The following CNBD1 variants were observed in gnomAD, a reference collection of about 807,000 sequenced individuals.
CNBD1 encodes cyclic nucleotide-binding domain-containing protein 1.
CNBD1 carries 71 observed loss-of-function variants against 54.4 expected under a neutral mutation model. The observed-to-expected ratio is 1.30, with a 90% CI of 1.08 to 1.59. CNBD1 has a LOEUF of 1.59. Among genes scored for constraint, CNBD1 ranks in the 40% most tolerant of loss-of-function variants. The probability of loss-of-function intolerance (pLI) is 0.00; values close to 1 mark genes in which losing one functional copy is unlikely to be tolerated. For missense variants in CNBD1, 659 were observed against 518.0 expected, an observed-to-expected ratio of 1.27 and a Z score of -2.64; for synonymous variants, 182 against 170.7, an observed-to-expected ratio of 1.07 and a Z score of -0.51.
At chr8:86,906,771 G>A (rs962572527) in intron 3 of CNBD1, among the ~76,000 whole-genome samples, 1 of 152,114 alleles carries the variant, frequency 6.6e-6, no homozygotes, top group Non-Finnish European at 1.5e-5. Flanking sequence ...AACTTTGAGA[G>A]GACTTCAGGG....
chr8:87,348,753 C>A (rs973848991), intron 8 of CNBD1, among the ~76,000 whole-genome samples: 2 of 152,128 alleles, frequency 1.3e-5, no homozygotes, highest in Non-Finnish European at 1.5e-5. Context: ...AGTGCTGATG[C>A]TAATAGCCAG....
At position 87,423,538 on chromosome 8, in the gene CNBD1, T is replaced by C. The variant is rs1208281679; in HGVS notation, c.214-5008T>C. Among the ~76,000 whole-genome samples, 128 of 151,196 alleles carry C rather than the reference T, an allele frequency of 8.5e-4. 2 individuals are homozygous for C. The highest frequency in any genetic ancestry group is 3.0e-3 in the African/African-American group (123 of 40,546). ...TTCTGCATCTATTGAGATAATCATG[T>C]GGTTTCTGTCTTTGGCTCTGTTTAT... On this transcript the variant is annotated intron_variant, in intron 2 of 7. Transcript: ENST00000521593.
rs531967544 is a variant in CNBD1 at position 87,098,766 on chromosome 8, A to G, written c.432-107227A>G. On this transcript the variant is annotated intron_variant, in intron 4 of 10. Transcript: ENST00000518476. ...AAAAAAAAACTCCTGGGCCAGGCGC[A>G]GTGGCTCATGCGTGTAATCTCAGCA... is the stretch of plus-strand genomic sequence containing the variant. 5.9e-5 allele frequency among the ~76,000 whole-genome samples: 9 copies of G among 151,392 alleles called. No individual in the cohort carries two copies. In the Middle Eastern group the frequency reaches 0.014, roughly 230 times the overall value.
chr8:87,017,144 G>A (rs1809373203), intron 4 of CNBD1, among the ~76,000 whole-genome samples: 1 of 152,038 alleles, frequency 6.6e-6, no homozygotes, highest in African/African-American at 2.4e-5. Context: ...TTGGTCTGGG[G>A]GTAAAACGGC....
At chr8:86,874,220 A>G (rs113621953) in intron 1 of CNBD1, among the ~76,000 whole-genome samples, 27 of 152,270 alleles carry the variant, frequency 1.8e-4, no homozygotes, top group African/African-American at 5.3e-4. Context: ...TGTCTCTTCA[A>G]TTCTTTCAGT....
At chr8:87,334,316 CA>C (rs1047561975) in intron 8 of CNBD1, among the ~76,000 whole-genome samples, 5 of 150,544 alleles carry the variant, frequency 3.3e-5, no homozygotes, top group African/African-American at 4.9e-5. Context: ...TTAATTTTTT[CA>C]AAAAAAACAG....
At chr8:86,922,234 T>A (rs1310991126) in intron 3 of CNBD1, among the ~76,000 whole-genome samples, 6 of 151,792 alleles carry the variant, frequency 4.0e-5, no homozygotes, top group South Asian at 2.1e-4. Flanking sequence ...GTTGAAAAAA[T>A]TTTTTTCAAA....
intron 4 of CNBD1, among the ~76,000 whole-genome samples, chr8:87,173,855 A>G (rs1375092625): frequency 2.6e-5 from 4 of 151,670 alleles, no homozygotes; most frequent in Non-Finnish European, 5.9e-5. Flanking sequence ...TTCTATCATT[A>G]TCTCTTTCTC....
intron 2 of CNBD1, among the ~76,000 whole-genome samples, chr8:87,413,330 G>A (rs190577450): frequency 7.9e-5 from 12 of 152,088 alleles, no homozygotes; most frequent in African/African-American, 2.9e-4. Flanking sequence ...AATTTCTATA[G>A]TTGTGTTTTA....
intron 6 of CNBD1, among the ~76,000 whole-genome samples, chr8:87,243,823 C>A (rs530087109): frequency 5.3e-5 from 8 of 151,908 alleles, no homozygotes; most frequent in Non-Finnish European, 1.2e-4. Context: ...AACAAAAATA[C>A]CATGAATCAA....
At chr8:87,395,183 C>T (rs1811387194) in intron 2 of CNBD1, among the ~76,000 whole-genome samples, 1 of 151,878 alleles carries the variant, frequency 6.6e-6, no homozygotes, top group South Asian at 2.1e-4. Context: ...TCTCTACTTT[C>T]ATTAGTACCA....
At chr8:87,110,816 G>T (rs1171264515) in intron 4 of CNBD1, among the ~76,000 whole-genome samples, 1 of 152,256 alleles carries the variant, frequency 6.6e-6, no homozygotes, top group Non-Finnish European at 1.5e-5. Flanking sequence ...ACATGTGAAT[G>T]TAAACTGTTT....
chr8:87,298,788 T>A (rs1808932030), intron 8 of CNBD1, among the ~76,000 whole-genome samples: 1 of 152,122 alleles, frequency 6.6e-6, no homozygotes, highest in Non-Finnish European at 1.5e-5. Context: ...CCGGCCCAAA[T>A]GTGCCTTGGT....
intron 5 of CNBD1, among the ~76,000 whole-genome samples, chr8:87,235,132 G>C (rs1807559131): frequency 6.6e-6 from 1 of 152,114 alleles, no homozygotes; most frequent in South Asian, 2.1e-4. Context: ...AACAGAAATA[G>C]GGCCTTGTTC....
At chr8:87,000,819 T>G (rs1243141700) in intron 4 of CNBD1, among the ~76,000 whole-genome samples, 6 of 152,184 alleles carry the variant, frequency 3.9e-5, no homozygotes, top group Non-Finnish European at 7.4e-5. Flanking sequence ...CTCTCCTTTG[T>G]AGGTAATTTG....
chr8:87,308,469 A>C (rs1035622429), intron 8 of CNBD1, among the ~76,000 whole-genome samples: 2 of 152,018 alleles, frequency 1.3e-5, no homozygotes, highest in African/African-American at 2.4e-5. Context: ...TTTCATGTTG[A>C]TATATAATGT....
chr8:87,374,956 G>A (rs1043676995), intron 10 of CNBD1, among the ~76,000 whole-genome samples: 4 of 149,934 alleles, frequency 2.7e-5, no homozygotes, highest in Non-Finnish European at 4.4e-5. Context: ...AAAATGCAAG[G>A]TTTTCTGAGG....
At chr8:86,891,721 G>A (rs1808771290) in intron 2 of CNBD1, among the ~76,000 whole-genome samples, 1 of 151,948 alleles carries the variant, frequency 6.6e-6, no homozygotes, top group African/African-American at 2.4e-5. Context: ...CAGTGAACAT[G>A]GATATCCTTC....
chr8:87,328,777 T>G (rs1809748745), intron 8 of CNBD1, among the ~76,000 whole-genome samples: 1 of 152,152 alleles, frequency 6.6e-6, no homozygotes, highest in South Asian at 2.1e-4. Context: ...TCTTTAATTT[T>G]TTAACAATGT....
Sources: gnomAD v4.1 joint callset for allele counts (sites outside exome capture counted in the v4.1 genomes callset) on GRCh38, gnomAD v4.1.1 for gene constraint, MANE v1.5 for transcripts, NCBI Gene and HGNC (gene_info 2026-07-23, HGNC 2026-07-21) for gene names.